The following SETDB1 variants were observed in gnomAD, a reference collection of about 807,000 sequenced individuals.
SETDB1 encodes the protein SET domain bifurcated histone lysine methyltransferase 1.
In SETDB1, 31 loss-of-function variants were observed where a neutral mutation model predicts 137.4. The observed-to-expected ratio is 0.23, with a 90% CI of 0.17 to 0.30. The LOEUF (loss-of-function observed/expected upper bound fraction) is 0.30, where lower values mean the gene tolerates loss of function less well. Among genes scored for constraint, SETDB1 ranks in the 10% least tolerant of loss-of-function variants. The pLI, the probability that SETDB1 is intolerant of heterozygous loss-of-function variation, is 1.00. For missense variants in SETDB1, 1,113 were observed against 1,631.5 expected (o/e 0.68, Z 5.47); for synonymous variants, 548 against 579.9 (o/e 0.95, Z 0.79).
At chr1:150,944,778 G>C (rs746465263) in intron 8 of SETDB1, 140 bp from the exon 9 acceptor site, 39 of 825,184 alleles carry the variant, frequency 4.7e-5, no homozygotes, top group Non-Finnish European at 7.3e-5. Context: ...GGTGGTCTTG[G>C]CTTTGCTTCC....
Position 150,949,185 on chromosome 1 carries a change from A to G in SETDB1, c.1331A>G (p.Gln444Arg), listed in dbSNP as rs1347846941. ...CAGGATCTGACCGGTACTGGAACCC[A>G]GTTCAAGCCAGTGGAACCCCCACAG... Reference protein sequence around the residue: ...YTQDLTGTGTQFKPVEPPQPT... With the variant: ...YTQDLTGTGTRFKPVEPPQPT... The change falls in exon 11 of 22, where the codon CAG becomes CGG. Residue 444 changes from glutamine to arginine, a missense_variant. Gln to Arg is a conservative substitution (Grantham distance 43). Transcript: ENST00000692827. The G allele has an allele frequency of 6.2e-7, 1 of 1,614,018 alleles. No homozygotes were observed. Among genetic ancestry groups the G allele is most frequent in the South Asian group, 1.1e-5 (1 of 91,072 alleles).
In SETDB1 at chr1:150,959,195, A is replaced by C. The variant is rs1245421489; in HGVS notation, c.2351A>C (p.Lys784Thr). 1 of 1,582,164 alleles carries C rather than the reference A, an allele frequency of 6.3e-7. No individual in the cohort carries two copies. The highest frequency in any genetic ancestry group is 1.7e-4 in the Middle Eastern group (1 of 5,990). ...CCTCCCAGGGTATATGAGTGTAACA[A>C]ACGCTGCAAATGTGACCCAAACATG... ...CLPTGVYECN[K>T]RCKCDPNMCT... Residue 784 changes from lysine to threonine, a missense_variant, in exon 15 of 22, where the codon AAA (lysine) becomes ACA (threonine). By Grantham distance (78) the Lys-to-Thr change is moderately conservative. This residue lies in a region of SETDB1 where 81 missense variants were observed against 123.4 expected (regional missense o/e 0.66). Transcript: ENST00000692827.
chr1:150,963,893 G>A (rs1471418000), intron 20 of SETDB1, 102 bp from the exon 21 acceptor site: 1 of 1,282,600 alleles, frequency 7.8e-7, no homozygotes, highest in South Asian at 1.2e-5. Flanking sequence ...TATTATAATG[G>A]GGAGGGTCAG....
intron 9 of SETDB1, chr1:150,945,399 T>C (rs1312134200): frequency 2.2e-6 from 2 of 904,438 alleles, no homozygotes; most frequent in East Asian, 3.2e-5. Context: ...GGCAGCCAAT[T>C]CCATTTTTCC....
chr1:150,938,219 C>CAAA (rs35172878), intron 3 of SETDB1, among the ~76,000 whole-genome samples: 3 of 141,562 alleles, frequency 2.1e-5, no homozygotes, highest in African/African-American at 2.6e-5. Context: ...GATTCCATCT[C>CAAA]AAAAAAAAAA....
intron 14 of SETDB1, among the ~76,000 whole-genome samples, chr1:150,954,301 G>T (rs1440678664): frequency 6.6e-6 from 1 of 152,122 alleles, no homozygotes; most frequent in Admixed American, 6.6e-5. Context: ...CTAGCCTGGG[G>T]TGACAGAGCA....
intron 5 of SETDB1, 80 bp from the exon 6 acceptor site, chr1:150,942,483 A>C: frequency 8.1e-7 from 1 of 1,234,460 alleles, no homozygotes; most frequent in Non-Finnish European, 1.1e-6. Context: ...TTCCCTAATT[A>C]CCATACTACC....
At position 150,960,796 on chromosome 1, in the gene SETDB1, A is replaced by G; in HGVS notation, c.2737A>G (p.Lys913Glu). 1 of 1,609,064 alleles carries G rather than the reference A, an allele frequency of 6.2e-7. No homozygotes were observed. Among genetic ancestry groups the G allele is most frequent in the East Asian group, 2.2e-5 (1 of 44,860 alleles). ...TGATAGCTCAGATGATAACTTCTGTAAGGATGAGGACTTCAGCACCAGTTC... is the reference window on the plus strand; with the variant it reads ...TGATAGCTCAGATGATAACTTCTGTGAGGATGAGGACTTCAGCACCAGTTC... The part of the protein sequence containing the change: ...NDDSSDDNFC[K>E]DEDFSTSSVW... Residue 913 changes from lysine to glutamate, a missense_variant, in exon 16 of 22, where the codon AAG becomes GAG. Coordinates refer to ENST00000692827, the MANE Select transcript of SETDB1 (RefSeq NM_001366418.1).
At chr1:150,953,400 C>T (rs1670552232) in intron 14 of SETDB1, among the ~76,000 whole-genome samples, 1 of 151,630 alleles carries the variant, frequency 6.6e-6, no homozygotes. Flanking sequence ...GTGGCGAGCA[C>T]CTGTAATCCC....
chr1:150,938,219 C>CAA (rs35172878), intron 3 of SETDB1, among the ~76,000 whole-genome samples: 136 of 141,402 alleles, frequency 9.6e-4, no homozygotes, highest in East Asian at 8.0e-3. Flanking sequence ...GATTCCATCT[C>CAA]AAAAAAAAAA....
intron 5 of SETDB1, among the ~76,000 whole-genome samples, chr1:150,942,311 A>G (rs1377674230): frequency 6.7e-6 from 1 of 150,196 alleles, no homozygotes; most frequent in Non-Finnish European, 1.5e-5. Flanking sequence ...TAGTGGTGCC[A>G]CCTTGCGTGC....
intron 4 of SETDB1, among the ~76,000 whole-genome samples, chr1:150,940,569 G>GAA (rs750914457): frequency 1.1e-4 from 13 of 116,926 alleles, no homozygotes; most frequent in South Asian, 2.7e-4. Flanking sequence ...CTCTGTCTCA[G>GAA]AAAAAAAAAA....
At chr1:150,926,316 G>A (rs1343540847), upstream of SETDB1, 1 of 194,172 alleles carries the variant, frequency 5.2e-6, no homozygotes, top group Non-Finnish European at 1.1e-5. Context: ...ACCCCGTCAG[G>A]CTACCGTCGC....
At chr1:150,940,007 T>G (rs1418246466) in intron 4 of SETDB1, 33 bp downstream of exon 4, 11 of 1,581,698 alleles carry the variant, frequency 7.0e-6, no homozygotes, top group East Asian at 2.2e-5. Flanking sequence ...GGGTGAGAGA[T>G]AAGAATATGA....
In SETDB1 at chr1:150,962,599, C is replaced by T. The variant is rs1348920268; in HGVS notation, c.3174C>T (p.Ser1058=). 6.2e-7 allele frequency: 1 copy of T among 1,614,066 alleles called. No individual in the cohort carries two copies. The change falls in exon 18 of 22, where the codon AGC becomes AGT. Residue 1058 remains serine (S), a synonymous_variant. Coordinates refer to ENST00000692827, the MANE Select transcript of SETDB1 (RefSeq NM_001366418.1). ...DRNKMSVVTE[S]SRNYGYNPSP... ...CCCCTCCCATTAGAGTTACTGAAAG[C>T]TCTCGAAATTACGGTTACAATCCTT...
chr1:150,934,162 C>G (rs1035647685), intron 3 of SETDB1, among the ~76,000 whole-genome samples: 1 of 151,968 alleles, frequency 6.6e-6, no homozygotes, highest in Non-Finnish European at 1.5e-5. Context: ...TTAATACTGA[C>G]TTAATTCTGG....
intron 4 of SETDB1, among the ~76,000 whole-genome samples, chr1:150,940,890 T>C (rs1670120482): frequency 6.6e-6 from 1 of 151,334 alleles, no homozygotes. Flanking sequence ...CCCAGCTGCT[T>C]TGGAGGTTGA....
Position 150,942,946 on chromosome 1 carries a change from C to G in SETDB1, c.768C>G (p.Asp256Glu). 6.2e-7 allele frequency: 1 copy of G among 1,613,938 alleles called. No individual in the cohort carries two copies. Among genetic ancestry groups the G allele is most frequent in the Non-Finnish European group, 8.5e-7 (1 of 1,179,814 alleles). Residue 256 changes from aspartate to glutamate, a missense_variant, in exon 7 of 22, where the codon GAC becomes GAG. Physicochemically the swap from Asp to Glu is conservative, Grantham distance 45. Coordinates refer to ENST00000692827, the MANE Select transcript of SETDB1 (RefSeq NM_001366418.1). Reference protein sequence around the residue: ...HIAYDYHPPADKLYVGSRVVA... With the variant: ...HIAYDYHPPAEKLYVGSRVVA... ...CCTATGATTACCACCCTCCTGCTGACAAGCTGTATGTGGGCAGTCGGGTGG... is the reference window on the plus strand; with the variant it reads ...CCTATGATTACCACCCTCCTGCTGAGAAGCTGTATGTGGGCAGTCGGGTGG...
At position 150,963,759 on chromosome 1, in the gene SETDB1, A is replaced by C; in HGVS notation, c.3672+18A>C. On this transcript the variant is annotated intron_variant, in intron 20 of 21. Transcript: ENST00000692827. ...ACCTCAACGTGAGACCCCTCTCCCC[A>C]CCTCTAGATGCTGGATTATCCCATG... 1.2e-6 allele frequency: 2 copies of C among 1,609,470 alleles called. No homozygotes were observed. Among genetic ancestry groups the C allele is most frequent in the Non-Finnish European group, 1.7e-6 (2 of 1,175,862 alleles).
Sources: allele counts gnomAD v4.1 joint callset (sites outside exome capture counted in the v4.1 genomes callset), GRCh38; gene constraint gnomAD v4.1.1; regional missense constraint gnomAD v4.1.1; transcripts MANE v1.5; gene names NCBI Gene and HGNC (gene_info 2026-07-23, HGNC 2026-07-21).